ABCC12: variants seen among roughly 807,000 people sequenced by gnomAD.
ABCC12 encodes the protein ATP binding cassette subfamily C member 12, also known as ATP-binding cassette sub-family C member 12.
A neutral mutation model predicts 151.1 loss-of-function variants in ABCC12; 142 were observed. The ratio of observed to expected loss-of-function variants is 0.94; its 90% CI spans 0.82 to 1.08. ABCC12 has a LOEUF of 1.08. ABCC12 is among the 50% of genes least tolerant of loss of function. The pLI is 0.00. For missense variants in ABCC12, 1,638 were observed against 1,691.1 expected (o/e 0.97, Z 0.55); for synonymous variants, 645 against 646.4 (o/e 1.00, Z 0.03).
intron 2 of ABCC12, among the ~76,000 whole-genome samples, chr16:48,148,211 G>C (rs1441458545): frequency 6.7e-6 from 1 of 150,064 alleles, no homozygotes; most frequent in Non-Finnish European, 1.5e-5. Flanking sequence ...GCCTCCCAAA[G>C]TGCTGGGATT....
At chr16:48,133,984 C>G in intron 8 of ABCC12, 149 bp from the exon 9 acceptor site, 3 of 941,428 alleles carry the variant, frequency 3.2e-6, no homozygotes, top group Non-Finnish European at 4.6e-6. Flanking sequence ...CAGAAAGCCC[C>G]GGGCACAAAC....
intron 24 of ABCC12, among the ~76,000 whole-genome samples, chr16:48,095,702 G>C (rs1293461546): frequency 4.0e-5 from 6 of 148,980 alleles, no homozygotes; most frequent in African/African-American, 1.5e-4. Context: ...CATGAATACA[G>C]TAAGAAAAAA....
intron 22 of ABCC12, 78 bp from the exon 23 acceptor site, chr16:48,101,087 A>T: frequency 2.0e-6 from 3 of 1,525,500 alleles, no homozygotes; most frequent in Non-Finnish European, 1.8e-6. Context: ...TACAGAGCCA[A>T]CTAGGCACTC....
Position 48,084,039 on chromosome 16 carries a change from T to G in ABCC12, c.3863A>C (p.Asp1288Ala), listed in dbSNP as rs1293105361. ...CTGAACCAGGGTGTCAGTCTTGGAGTCCATAGAGGCGGTGGCTTCATCAAG... is the reference window on the plus strand; with the variant it reads ...CTGAACCAGGGTGTCAGTCTTGGAGGCCATAGAGGCGGTGGCTTCATCAAG... ...ILLDEATASM[D>A]SKTDTLVQNT... The change falls in exon 30 of 31, where the codon GAC becomes GCC. Residue 1288 changes from aspartate (D) to alanine (A), a missense_variant. Transcript: ENST00000311303. The G allele has an allele frequency of 6.2e-7, 1 of 1,610,750 alleles. No individual in the cohort carries two copies. Among genetic ancestry groups the G allele is most frequent in the Non-Finnish European group, 8.5e-7 (1 of 1,179,232 alleles).
At position 48,107,372 on chromosome 16, in the gene ABCC12, C is replaced by T. The variant is rs776302423; in HGVS notation, c.2425G>A (p.Ala809Thr). The change falls in exon 20 of 31, where the codon GCT becomes ACT. Residue 809 changes from alanine (A) to threonine (T), a missense_variant. By Grantham distance (58) the Ala-to-Thr change is moderately conservative. Coordinates refer to ENST00000311303, the MANE Select transcript of ABCC12 (RefSeq NM_001393797.1). ...VFLFLLMIGS[A>T]AFSNWWLGLW... ...CCCAGCCACCAGTTGCTGAAGGCAG[C>T]GCTGCCAATCATCAGGAGGAAGAGG... 11 of 1,614,118 alleles carry T rather than the reference C, an allele frequency of 6.8e-6. No individual in the cohort carries two copies. The highest frequency in any genetic ancestry group is 2.7e-5 in the African/African-American group (2 of 75,034).
rs1346811165 is a variant in ABCC12, at chr16:48,105,272, C to T, written c.2540G>A (p.Gly847Asp). The T allele has an allele frequency of 6.2e-7, 1 of 1,613,874 alleles. No homozygotes were observed. The highest frequency in any genetic ancestry group is 8.5e-7 in the Non-Finnish European group (1 of 1,180,044). ...GTACACCCACTGGTACACATGCTGA[C>T]CGATGTCTGCCAGCACCGCGCCGAC... ...CEVGAVLADI[G>D]QHVYQWVYTA... Residue 847 changes from glycine (G) to aspartate (D), a missense_variant, in exon 21 of 31, where the codon GGT becomes GAT. Coordinates refer to ENST00000311303, the MANE Select transcript of ABCC12 (RefSeq NM_001393797.1).
chr16:48,137,820 G>A (rs527270452), intron 8 of ABCC12, among the ~76,000 whole-genome samples: 13 of 152,298 alleles, frequency 8.5e-5, no homozygotes, highest in African/African-American at 2.6e-4. Context: ...TGGACCATCC[G>A]AACACAAGGA....
Position 48,081,678 on chromosome 16 carries a change from T to G in ABCC12, c.*2037A>C, listed in dbSNP as rs891756278. Among the ~76,000 whole-genome samples, 1 of 152,194 alleles carries G rather than the reference T, an allele frequency of 6.6e-6. No individual in the cohort carries two copies. Among genetic ancestry groups the G allele is most frequent in the African/African-American group, 2.4e-5 (1 of 41,440 alleles). On this transcript the variant is annotated 3_prime_UTR_variant, in exon 31 of 31. Coordinates refer to ENST00000311303, the MANE Select transcript of ABCC12 (RefSeq NM_001393797.1). ...GTCCTGGCACACTGCAAGGTCTCAGTAGACATCAGGATCAATGTCGGTGTT... is the reference window on the plus strand; with the variant it reads ...GTCCTGGCACACTGCAAGGTCTCAGGAGACATCAGGATCAATGTCGGTGTT...
chr16:48,121,781 C>T lies in ABCC12; in HGVS notation c.1647G>A (p.Gln549=), dbSNP rs770095853. 19 of 1,614,178 alleles carry T rather than the reference C, an allele frequency of 1.2e-5. No individual in the cohort carries two copies. The Admixed American group carries it at 3.2e-4, about 27-fold the overall frequency. Reference sequence around the variant, plus strand: ...TCACATTTCCATGAAAGATCCATGCCTGCTGTGAAACGTAGGCCAAAGTTC... The same window carrying T: ...TCACATTTCCATGAAAGATCCATGCTTGCTGTGAAACGTAGGCCAAAGTTC... The part of the protein sequence containing the change: ...VNGTLAYVSQ[Q]AWIFHGNVRE... Residue 549 remains glutamine, a synonymous_variant, in exon 13 of 31, where the codon CAG becomes CAA. Coordinates refer to ENST00000311303, the MANE Select transcript of ABCC12 (RefSeq NM_001393797.1).
At chr16:48,103,701 G>A (rs1387822575) in intron 22 of ABCC12, among the ~76,000 whole-genome samples, 1 of 152,234 alleles carries the variant, frequency 6.6e-6, no homozygotes, top group African/African-American at 2.4e-5. Context: ...CTAGGAGGCT[G>A]GAATCATGGC....
At chr16:48,120,778 A>G (rs1439116711) in intron 13 of ABCC12, among the ~76,000 whole-genome samples, 1 of 151,600 alleles carries the variant, frequency 6.6e-6, no homozygotes, top group Admixed American at 6.6e-5. Flanking sequence ...CTGGTCTCAA[A>G]CCCCTGACCT....
intron 2 of ABCC12, among the ~76,000 whole-genome samples, chr16:48,151,192 C>G (rs1332684024): frequency 6.6e-6 from 1 of 152,204 alleles, no homozygotes; most frequent in Non-Finnish European, 1.5e-5. Flanking sequence ...AACGTGTACC[C>G]TTAATATGAT....
intron 13 of ABCC12, chr16:48,121,514 A>T: frequency 1.7e-6 from 1 of 572,754 alleles, no homozygotes; most frequent in Middle Eastern, 3.1e-4. Flanking sequence ...CCCAGTGTGC[A>T]GTCGCAGGTC....
At chr16:48,131,038 T>C (rs1203947339) in intron 9 of ABCC12, 143 bp from the exon 10 acceptor site, 6 of 634,586 alleles carry the variant, frequency 9.5e-6, no homozygotes, top group Non-Finnish European at 1.7e-5. Context: ...TTTCATTTCA[T>C]GGCTCAGAAA....
rs367887492 is a variant in ABCC12, at chr16:48,091,146, C to T, written c.3259G>A (p.Val1087Met). 1.9e-6 allele frequency: 3 copies of T among 1,614,098 alleles called. No homozygotes were observed. Among genetic ancestry groups the T allele is most frequent in the African/African-American group, 2.7e-5 (2 of 74,924 alleles). The change falls in exon 25 of 31, where the codon GTG (valine) becomes ATG (methionine). Residue 1087 changes from valine (V) to methionine (M), a missense_variant. By Grantham distance (21) the Val-to-Met change is conservative. Transcript: ENST00000311303. ...GTETQAKFTS[V>M]ELLREYISTC... is the part of the protein sequence containing the mutation. ...GAAATGTATTCCCTGAGCAGCTCCA[C>T]GGAGGTGAATTTGGCTTGCGTCTCT... is the stretch of plus-strand genomic sequence containing the variant.
rs1424260881 is a variant in ABCC12, at chr16:48,139,475, C to T, written c.658-139G>A. ...TAAAGCAGGAAGGGGTCACCGGGGA[C>T]CAATATGATGAGTTTTATGGGTTCT... On this transcript the variant is annotated intron_variant, in intron 6 of 30. Coordinates refer to ENST00000311303, the MANE Select transcript of ABCC12 (RefSeq NM_001393797.1). The T allele has an allele frequency of 3.7e-6, 3 of 813,622 alleles. No individual in the cohort carries two copies. The African/African-American group carries it at 5.2e-5, about 14-fold the overall frequency. 50.4% of individuals were successfully genotyped at this position (813,622 alleles called of 1,614,324 possible).
intron 13 of ABCC12, among the ~76,000 whole-genome samples, chr16:48,117,860 TA>T (rs1963940950): frequency 6.6e-6 from 1 of 152,158 alleles, no homozygotes; most frequent in Non-Finnish European, 1.5e-5. Context: ...CCCTCACTGC[TA>T]GTAGGTTGGA....
rs1322959077 is a variant in ABCC12 at position 48,139,338 on chromosome 16, T to C, written c.658-2A>G. On this transcript the variant is annotated splice_acceptor_variant, in intron 6 of 30. Transcript: ENST00000311303. LOFTEE classifies it high-confidence loss of function. ...ATCACTTGACAGTATATTGAGCACC[T>C]GGAAAGAAAAGCGCAAAGGTTCAGG... The C allele has an allele frequency of 6.3e-7, 1 of 1,597,092 alleles. No individual in the cohort carries two copies. Among genetic ancestry groups the C allele is most frequent in the East Asian group, 2.2e-5 (1 of 44,756 alleles).
chr16:48,150,641 T>G (rs1056049889), intron 2 of ABCC12, among the ~76,000 whole-genome samples: 1 of 152,202 alleles, frequency 6.6e-6, no homozygotes, highest in African/African-American at 2.4e-5. Context: ...TCCAAGTACT[T>G]GAATCTCCTT....
Sources: gnomAD v4.1 joint callset for allele counts (sites outside exome capture counted in the v4.1 genomes callset) on GRCh38, gnomAD v4.1.1 for gene constraint, MANE v1.5 for transcripts, NCBI Gene and HGNC (gene_info 2026-07-23, HGNC 2026-07-21) for gene names.